The following NFASC variants were observed in gnomAD, a reference collection of about 807,000 sequenced individuals.
The protein encoded by NFASC is neurofascin homolog.
NFASC carries 43 observed loss-of-function variants against 147.5 expected under a neutral mutation model. The observed-to-expected ratio is 0.29, with a 90% CI of 0.23 to 0.38. NFASC has a LOEUF of 0.38. Among genes scored for constraint, NFASC ranks in the 10% least tolerant of loss-of-function variants. The pLI is 1.00. For synonymous variants in NFASC, 622 were observed against 665.5 expected, an observed-to-expected ratio of 0.93 and a Z score of 1.01; for missense variants, 1,320 against 1,689.0, an observed-to-expected ratio of 0.78 and a Z score of 3.83.
At chr1:204,994,424 C>T (rs908839065) in intron 24 of NFASC, among the ~76,000 whole-genome samples, 4 of 152,188 alleles carry the variant, frequency 2.6e-5, no homozygotes, top group Non-Finnish European at 5.9e-5. Flanking sequence ...CAGCTACTCA[C>T]TGGAACATCC....
At chr1:204,896,382 A>G (rs943834849) in intron 1 of NFASC, among the ~76,000 whole-genome samples, 2 of 152,246 alleles carry the variant, frequency 1.3e-5, no homozygotes, top group African/African-American at 2.4e-5. Context: ...TTTTAAAACA[A>G]TAACCCTCCT....
intron 3 of NFASC, among the ~76,000 whole-genome samples, chr1:204,947,824 C>A (rs1175556860): frequency 6.6e-6 from 1 of 152,140 alleles, no homozygotes; most frequent in African/African-American, 2.4e-5. Context: ...ACAAATAACA[C>A]TGCAGGATGG....
chr1:204,842,928 G>A (rs1342111555), intron 1 of NFASC, among the ~76,000 whole-genome samples: 1 of 152,224 alleles, frequency 6.6e-6, no homozygotes, highest in Non-Finnish European at 1.5e-5. Context: ...GGGAAGCTGA[G>A]GCTTAAAGGA....
chr1:204,885,824 C>T (rs2081213496), intron 1 of NFASC, among the ~76,000 whole-genome samples: 1 of 152,168 alleles, frequency 6.6e-6, no homozygotes, highest in Non-Finnish European at 1.5e-5. Flanking sequence ...GAGACTATTC[C>T]ACTCCTGTCG....
At chr1:204,948,796 C>T in intron 3 of NFASC, 1 of 499,072 alleles carries the variant, frequency 2.0e-6, no homozygotes, top group Non-Finnish European at 4.0e-6. Context: ...AAAGGAGGTC[C>T]CTTGTCAGGC....
At chr1:204,857,369 G>A (rs759337610) in intron 1 of NFASC, among the ~76,000 whole-genome samples, 22 of 152,316 alleles carry the variant, frequency 1.4e-4, no homozygotes, top group Middle Eastern at 3.4e-3. Flanking sequence ...CTTCTCTTAG[G>A]TTGGGAGACT....
intron 1 of NFASC, among the ~76,000 whole-genome samples, chr1:204,857,683 GGGT>G (rs2076277501): frequency 6.6e-6 from 1 of 152,166 alleles, no homozygotes; most frequent in South Asian, 2.1e-4. Flanking sequence ...ACTGCTAGTA[GGGT>G]GGTGTTTTTG....
intron 29 of NFASC, among the ~76,000 whole-genome samples, chr1:205,013,118 A>G (rs1468158152): frequency 6.6e-6 from 1 of 152,250 alleles, no homozygotes; most frequent in Non-Finnish European, 1.5e-5. Flanking sequence ...ACATGCGTGC[A>G]TTAGTTTGAC....
In NFASC at chr1:204,828,704, C is replaced by T. The variant is rs544858320; in HGVS notation, c.-278C>T. Reference sequence around the variant, plus strand: ...CGGCGGCTGGCGGCGAGAGGCGCTGCAGGGGACGCGGGGGAAGTGGCGGCG... The same window carrying T: ...CGGCGGCTGGCGGCGAGAGGCGCTGTAGGGGACGCGGGGGAAGTGGCGGCG... On this transcript the variant is annotated 5_prime_UTR_variant, in exon 1 of 30. Transcript: ENST00000339876. The T allele has an allele frequency of 8.1e-6, 8 of 985,154 alleles. No homozygotes were observed. In the East Asian group the frequency reaches 3.4e-4, roughly 42 times the overall value. 61.0% of individuals were successfully genotyped at this position (985,154 alleles called of 1,614,324 possible).
At chr1:205,012,356 C>T (rs575045287) in intron 28 of NFASC, among the ~76,000 whole-genome samples, 1 of 152,366 alleles carries the variant, frequency 6.6e-6, no homozygotes, top group African/African-American at 2.4e-5. Flanking sequence ...AAGAAGCACA[C>T]AGACCCCCAC....
At chr1:204,949,021 G>GT in intron 3 of NFASC, among the ~76,000 whole-genome samples, 1 of 152,346 alleles carries the variant, frequency 6.6e-6, no homozygotes, top group African/African-American at 2.4e-5. Flanking sequence ...CGGGGAGCAT[G>GT]TGTTCAGAAG....
intron 1 of NFASC, among the ~76,000 whole-genome samples, chr1:204,868,467 G>A (rs1369975582): frequency 1.3e-5 from 2 of 152,100 alleles, no homozygotes; most frequent in Non-Finnish European, 2.9e-5. Context: ...GCATTGGCAC[G>A]GGCTGTCCTC....
chr1:204,834,170 C>T (rs1673029189), intron 1 of NFASC, among the ~76,000 whole-genome samples: 1 of 151,864 alleles, frequency 6.6e-6, no homozygotes, highest in Non-Finnish European at 1.5e-5. Flanking sequence ...CCCCCACCCT[C>T]CCCCCACCTT....
intron 27 of NFASC, among the ~76,000 whole-genome samples, chr1:205,004,176 T>C (rs895094827): frequency 6.6e-6 from 1 of 152,226 alleles, no homozygotes; most frequent in East Asian, 1.9e-4. Flanking sequence ...AAAGATGATA[T>C]TTGAAAATAG....
intron 2 of NFASC, among the ~76,000 whole-genome samples, chr1:204,939,038 A>ATGGATG (rs1553266033): frequency 0.027 from 3,349 of 123,520 alleles, 56 homozygotes; most frequent in Non-Finnish European, 0.036. Flanking sequence ...GTATGGATGG[A>ATGGATG]TGTGTGTGTG....
In NFASC at chr1:204,954,323, G is replaced by T; in HGVS notation, c.351G>T (p.Gln117His). The change falls in exon 6 of 30, where the codon CAG becomes CAT. Residue 117 changes from glutamine to histidine, a missense_variant. Physicochemically the swap from Gln to His is conservative, Grantham distance 24. Transcript: ENST00000339876. This position sits in a 1 kb window ranked among gnomAD's most constrained non-coding sequence, Gnocchi z 5.7. Reference sequence around the variant, plus strand: ...CGGAGGAATATGAGGGGGAATATCAGTGCTTCGCCCGCAACAAATTTGGCA... The same window carrying T: ...CGGAGGAATATGAGGGGGAATATCATTGCTTCGCCCGCAACAAATTTGGCA... The part of the protein sequence containing the change: ...GRPEEYEGEY[Q>H]CFARNKFGTA... 6.2e-7 allele frequency: 1 copy of T among 1,614,204 alleles called. No individual in the cohort carries two copies.
chr1:204,962,002 C>T lies in NFASC; in HGVS notation c.706+4176C>T, dbSNP rs554586644. 9.3e-5 allele frequency: 76 copies of T among 814,336 alleles called. No homozygotes were observed. The African/African-American group carries it at 1.2e-3, about 13-fold the overall frequency. 50.4% of individuals were successfully genotyped at this position (814,336 alleles called of 1,614,324 possible). A position where few individuals can be genotyped will look rare whatever the true frequency, so the allele number is the denominator to read the frequency against. On this transcript the variant is annotated intron_variant, in intron 8 of 29. Coordinates refer to ENST00000339876, the MANE Select transcript of NFASC (RefSeq NM_001005388.3). ...TTCCTTTGCAAAAGACCACTGCTGC[C>T]CTCCTCAGTTGTTTTTCTGGCTTTG...
Position 204,954,975 on chromosome 1 carries a change from G to A in NFASC, c.535+24G>A. The A allele has an allele frequency of 3.7e-6, 6 of 1,611,348 alleles. No homozygotes were observed. The highest frequency in any genetic ancestry group is 5.1e-6 in the Non-Finnish European group (6 of 1,178,438). On this transcript the variant is annotated intron_variant, in intron 7 of 29. Transcript: ENST00000339876. This position sits in a 1 kb window ranked among gnomAD's most constrained non-coding sequence, Gnocchi z 5.7. ...CTGTGAGTCTTGGGGGCCTGGTGTTGTGTTTATATCTTAACCTTAGGGGGT... is the reference window on the plus strand; with the variant it reads ...CTGTGAGTCTTGGGGGCCTGGTGTTATGTTTATATCTTAACCTTAGGGGGT...
chr1:204,974,762 C>T lies in NFASC; in HGVS notation c.1497C>T (p.Tyr499=). ...TCCGCAAAGAGGACCAGGGCATCTA[C>T]ACCTGTGTCGCCACCAACATCCTGG... ...KMIRKEDQGI[Y]TCVATNILGK... Residue 499 remains tyrosine (Y), a synonymous_variant, in exon 14 of 30, where the codon TAC becomes TAT. Transcript: ENST00000339876. The T allele has an allele frequency of 2.5e-6, 4 of 1,614,252 alleles. No individual in the cohort carries two copies. Among genetic ancestry groups the T allele is most frequent in the African/African-American group, 1.3e-5 (1 of 75,068 alleles).
Sources: gnomAD v4.1 joint callset for allele counts (sites outside exome capture counted in the v4.1 genomes callset) on GRCh38, gnomAD v4.1.1 for gene constraint, Gnocchi (gnomAD v3.1) non-coding constraint, MANE v1.5 for transcripts, NCBI Gene and HGNC (gene_info 2026-07-23, HGNC 2026-07-21) for gene names.